Variants in HS6ST2 observed in about 807,000 individuals in gnomAD.
HS6ST2 encodes heparan sulfate 6-O-sulfotransferase 2.
A neutral mutation model predicts 33.0 loss-of-function variants in HS6ST2; 17 were observed. That is an observed-to-expected ratio of 0.52 (90% CI 0.35 to 0.77). HS6ST2 has a LOEUF of 0.77. HS6ST2 is among the 30% of genes least tolerant of loss of function. The pLI is 0.01. For missense variants in HS6ST2, 519 were observed against 551.7 expected (o/e 0.94, Z 0.59); for synonymous variants, 248 against 237.1 (o/e 1.05, Z -0.42).
At chrX:132,794,721 G>A (rs994814772) in intron 2 of HS6ST2, among the ~76,000 whole-genome samples, 3 of 111,122 alleles carry the variant, frequency 2.7e-5, no homozygotes, top group Non-Finnish European at 5.7e-5. Context: ...CACTGCACCT[G>A]GCCCTCATTT....
At chrX:132,865,829 G>GT (rs1212618046) in intron 2 of HS6ST2, among the ~76,000 whole-genome samples, 2 of 110,509 alleles carry the variant, frequency 1.8e-5, no homozygotes, top group African/African-American at 6.6e-5. Flanking sequence ...GGGGTTGTTT[G>GT]TTTTTTTTCT....
intron 3 of HS6ST2, among the ~76,000 whole-genome samples, chrX:132,702,086 T>C (rs2064148513): frequency 8.9e-6 from 1 of 112,385 alleles, no homozygotes; most frequent in Non-Finnish European, 1.9e-5. Flanking sequence ...GCACTTCTGA[T>C]ACACTGGAAA....
At chrX:132,788,676 C>A (rs770297184) in intron 2 of HS6ST2, among the ~76,000 whole-genome samples, 27 of 112,842 alleles carry the variant, frequency 2.4e-4, no homozygotes, top group Non-Finnish European at 4.1e-4. Context: ...TTGTGCCAAA[C>A]AGTTTGTCAA....
rs757762629 is a variant in HS6ST2, at chrX:132,915,042, C to T, written c.947+41766G>A. On this transcript the variant is annotated intron_variant, in intron 2 of 4. Coordinates refer to ENST00000370833, the MANE Select transcript of HS6ST2 (RefSeq NM_001394073.1). Reference sequence around the variant, plus strand: ...AAGTGAAATGAGTCCTTGAGGCTCTCCTGTAACCAGCCTGAACTGGACACA... The same window carrying T: ...AAGTGAAATGAGTCCTTGAGGCTCTTCTGTAACCAGCCTGAACTGGACACA... 2.7e-5 allele frequency among the ~76,000 whole-genome samples: 3 copies of T among 112,285 alleles called. No homozygotes were observed. The South Asian group carries it at 1.1e-3, about 42-fold the overall frequency.
intron 2 of HS6ST2, among the ~76,000 whole-genome samples, chrX:132,898,985 A>G (rs2066404166): frequency 9.0e-6 from 1 of 111,249 alleles, no homozygotes; most frequent in Admixed American, 9.6e-5. Flanking sequence ...TGTTCCTACC[A>G]GCAGAATGGA....
chrX:132,921,438 T>C (rs1384812745), intron 2 of HS6ST2, among the ~76,000 whole-genome samples: 2 of 112,430 alleles, frequency 1.8e-5, no homozygotes, highest in African/African-American at 3.2e-5. Context: ...GACAAAAAAT[T>C]GGATTTGGCT....
At chrX:132,921,031 G>A (rs760148258) in intron 2 of HS6ST2, among the ~76,000 whole-genome samples, 31 of 112,702 alleles carry the variant, frequency 2.8e-4, no homozygotes, top group Middle Eastern at 9.1e-3. Flanking sequence ...GTGGAGTGGA[G>A]AATAAAGAGC....
At position 132,874,857 on chromosome X, in the gene HS6ST2, G is replaced by A. The variant is rs1044778122; in HGVS notation, c.947+81951C>T. On this transcript the variant is annotated intron_variant, in intron 2 of 4. Coordinates refer to ENST00000370833, the MANE Select transcript of HS6ST2 (RefSeq NM_001394073.1). ...GACTGCCAAAGACCTCCCCAGACTT[G>A]AGTGGTTGTTCTGCCATGTGGGAGA... 5.4e-5 allele frequency among the ~76,000 whole-genome samples: 6 copies of A among 111,665 alleles called. No individual in the cohort carries two copies. The South Asian group carries it at 2.3e-3, about 43-fold the overall frequency.
At chrX:132,818,246 G>A (rs759808643) in intron 2 of HS6ST2, among the ~76,000 whole-genome samples, 4 of 111,059 alleles carry the variant, frequency 3.6e-5, no homozygotes, top group African/African-American at 6.5e-5. Context: ...TTAAAAGCAC[G>A]GACTGCAGGG....
At chrX:132,750,695 A>G (rs922096684) in intron 2 of HS6ST2, among the ~76,000 whole-genome samples, 1 of 112,064 alleles carries the variant, frequency 8.9e-6, no homozygotes, top group Non-Finnish European at 1.9e-5. Context: ...GGATACTGCA[A>G]TTTAACAAAT....
chrX:132,720,846 T>C (rs1055295151), intron 2 of HS6ST2, among the ~76,000 whole-genome samples: 3 of 110,581 alleles, frequency 2.7e-5, no homozygotes, highest in Non-Finnish European at 5.7e-5. Context: ...GGTCACTATA[T>C]AATGATAAAG....
intron 4 of HS6ST2, among the ~76,000 whole-genome samples, chrX:132,633,744 T>C (rs1272361490): frequency 8.9e-6 from 1 of 111,924 alleles, no homozygotes; most frequent in Admixed American, 9.4e-5. Flanking sequence ...GAAGACAGCA[T>C]TTACCCCAGG....
intron 2 of HS6ST2, among the ~76,000 whole-genome samples, chrX:132,763,354 G>T (rs1355085422): frequency 8.9e-6 from 1 of 112,788 alleles, no homozygotes; most frequent in Non-Finnish European, 1.9e-5. Flanking sequence ...CAATCATTCT[G>T]TGCAGATGTA....
intron 2 of HS6ST2, among the ~76,000 whole-genome samples, chrX:132,784,848 G>A (rs1195973820): frequency 8.9e-6 from 1 of 111,738 alleles, no homozygotes; most frequent in Non-Finnish European, 1.9e-5. Flanking sequence ...TGACCAGATG[G>A]TATTTGAAAT....
At chrX:132,648,662 C>A (rs1439486898) in intron 4 of HS6ST2, among the ~76,000 whole-genome samples, 2 of 110,895 alleles carry the variant, frequency 1.8e-5, no homozygotes, top group Non-Finnish European at 3.8e-5. Context: ...CTAACCTATA[C>A]CTGCGCTTTT....
In HS6ST2 at chrX:132,650,741, A is replaced by ATCTCTCTCTCTCTCTCTC. The variant is rs3066707; in HGVS notation, c.1067+18354_1067+18371dup. ...TATGATTATTAAATCCATAGGAGGG[A>ATCTCTCTCTCTCTCTCTC]TCTCTCTCTCTCTCTCTCTCTCTCT... On this transcript the variant is annotated intron_variant, in intron 4 of 4. Coordinates refer to ENST00000370833, the MANE Select transcript of HS6ST2 (RefSeq NM_001394073.1). Among the ~76,000 whole-genome samples the ATCTCTCTCTCTCTCTCTC allele has an allele frequency of 4.6e-3, 404 of 87,367 alleles. 6 individuals are homozygous for ATCTCTCTCTCTCTCTCTC. Among genetic ancestry groups the ATCTCTCTCTCTCTCTCTC allele is most frequent in the African/African-American group, 0.016 (362 of 22,167 alleles). The allele number at this position is 87,367 out of a possible 115,157, so 75.9% of individuals were successfully genotyped here. A position where few individuals can be genotyped will look rare whatever the true frequency, so the allele number is the denominator to read the frequency against.
chrX:132,692,513 G>T (rs761175559), intron 3 of HS6ST2, among the ~76,000 whole-genome samples: 1 of 110,492 alleles, frequency 9.1e-6, no homozygotes, highest in Non-Finnish European at 1.9e-5. Flanking sequence ...CTATGTCTCA[G>T]CATGGCTTTC....
chrX:132,860,111 G>A (rs1297048515), intron 2 of HS6ST2, among the ~76,000 whole-genome samples: 1 of 111,590 alleles, frequency 9.0e-6, no homozygotes, highest in African/African-American at 3.3e-5. Context: ...CGCATGTGTG[G>A]GGGACACGGT....
intron 2 of HS6ST2, among the ~76,000 whole-genome samples, chrX:132,902,302 C>T (rs1198846541): frequency 3.6e-5 from 4 of 111,230 alleles, no homozygotes; most frequent in African/African-American, 1.3e-4. Context: ...GGGGTTTCAC[C>T]ATGTTGCCCA....
Sources: allele counts gnomAD v4.1 joint callset (sites outside exome capture counted in the v4.1 genomes callset), GRCh38; gene constraint gnomAD v4.1.1; transcripts MANE v1.5; gene names NCBI Gene and HGNC (gene_info 2026-07-23, HGNC 2026-07-21).